Variants in OR51B5 observed in about 807,000 individuals in gnomAD.
The protein encoded by OR51B5 is olfactory receptor 51B5.
For synonymous variants in OR51B5, 186 were observed against 144.8 expected (o/e 1.28, Z -2.04); for missense variants, 456 against 374.6 (o/e 1.22, Z -1.79).
chr11:5,433,898 A>T (rs747033593), intron 1 of OR51B5, among the ~76,000 whole-genome samples: 1 of 152,168 alleles, frequency 6.6e-6, no homozygotes, highest in Non-Finnish European at 1.5e-5. Flanking sequence ...GAATGATCCT[A>T]GGTCCTGCAT....
At chr11:5,447,165 C>G (rs1850779119) in intron 1 of OR51B5, among the ~76,000 whole-genome samples, 1 of 152,218 alleles carries the variant, frequency 6.6e-6, no homozygotes, top group South Asian at 2.1e-4. Flanking sequence ...TGCTTCTGTT[C>G]TGTACCAAGG....
intron 1 of OR51B5, among the ~76,000 whole-genome samples, chr11:5,363,237 TCACACACACA>T (rs3219794): frequency 0.043 from 6,173 of 142,968 alleles, 275 homozygotes; most frequent in East Asian, 0.15. Context: ...ACCCAACCCC[TCACACACACA>T]CACACACACA....
At chr11:5,415,061 T>C (rs1162001747) in intron 1 of OR51B5, among the ~76,000 whole-genome samples, 1 of 151,688 alleles carries the variant, frequency 6.6e-6, no homozygotes, top group Admixed American at 6.6e-5. Context: ...AGAACAGAAA[T>C]TATAACAAAC....
chr11:5,440,499 T>G (rs1850661265), intron 1 of OR51B5: 1 of 1,048,850 alleles, frequency 9.5e-7, no homozygotes, highest in East Asian at 2.4e-5. Context: ...CATCCTTACT[T>G]TAGCATTCCT....
At chr11:5,410,448 A>G (rs1850129673) in intron 1 of OR51B5, among the ~76,000 whole-genome samples, 1 of 152,224 alleles carries the variant, frequency 6.6e-6, no homozygotes, top group South Asian at 2.1e-4. Context: ...CACTAAAAGA[A>G]TAGTAAAATA....
At chr11:5,440,677 T>C (rs1850666021) in intron 1 of OR51B5, 1 of 1,613,794 alleles carries the variant, frequency 6.2e-7, no homozygotes, top group Non-Finnish European at 8.5e-7. Context: ...AGGTAGACAT[T>C]GGACATCATG....
intron 1 of OR51B5, among the ~76,000 whole-genome samples, chr11:5,386,655 G>T (rs1460557327): frequency 6.8e-6 from 1 of 146,206 alleles, no homozygotes; most frequent in African/African-American, 2.5e-5. Flanking sequence ...CTGCAGTAGA[G>T]GATGGACCAA....
intron 1 of OR51B5, chr11:5,453,959 C>T (rs1850903919): frequency 1.2e-6 from 2 of 1,613,952 alleles, no homozygotes; most frequent in African/African-American, 1.3e-5. Flanking sequence ...TCACCCTTTT[C>T]CCTCTTCCCT....
chr11:5,454,245 G>T, intron 1 of OR51B5: 1 of 1,614,150 alleles, frequency 6.2e-7, no homozygotes. Flanking sequence ...TGCATTTTAT[G>T]TGCCAATGAT....
At chr11:5,373,639 T>C (rs1849476934) in intron 1 of OR51B5, among the ~76,000 whole-genome samples, 1 of 152,190 alleles carries the variant, frequency 6.6e-6, no homozygotes, top group East Asian at 1.9e-4. Flanking sequence ...TACTGTGCTT[T>C]TCTGACAGGC....
intron 1 of OR51B5, among the ~76,000 whole-genome samples, chr11:5,378,824 G>A (rs995445207): frequency 6.6e-6 from 1 of 150,536 alleles, no homozygotes; most frequent in Non-Finnish European, 1.5e-5. Flanking sequence ...AGGTGCTGGA[G>A]AGGATGTGGA....
chr11:5,420,025 T>G (rs965757803), intron 1 of OR51B5, among the ~76,000 whole-genome samples: 10 of 45,644 alleles, frequency 2.2e-4, no homozygotes, highest in African/African-American at 4.4e-4. Flanking sequence ...AAAACAAATG[T>G]TGCATATTTA....
intron 1 of OR51B5, among the ~76,000 whole-genome samples, chr11:5,386,165 T>C (rs1249922318): frequency 6.6e-6 from 1 of 152,094 alleles, no homozygotes; most frequent in East Asian, 1.9e-4. Context: ...GGGTGGTTTT[T>C]GCCAAGAAAG....
At chr11:5,417,446 G>C (rs1375136557) in intron 1 of OR51B5, among the ~76,000 whole-genome samples, 1 of 151,778 alleles carries the variant, frequency 6.6e-6, no homozygotes, top group Admixed American at 6.6e-5. Flanking sequence ...TTAAACTAAA[G>C]ATCTTCTGCG....
At chr11:5,416,415 A>C (rs898885120) in intron 1 of OR51B5, among the ~76,000 whole-genome samples, 15 of 152,192 alleles carry the variant, frequency 9.9e-5, no homozygotes, top group African/African-American at 3.6e-4. Flanking sequence ...TAGTGTTGGA[A>C]GTTCTGGCCA....
intron 1 of OR51B5, among the ~76,000 whole-genome samples, chr11:5,351,126 C>T (rs953209821): frequency 6.6e-6 from 1 of 152,134 alleles, no homozygotes; most frequent in Non-Finnish European, 1.5e-5. Flanking sequence ...ATGAAGAGCA[C>T]CATGAAAAGT....
At chr11:5,399,641 G>C (rs1357723642) in intron 1 of OR51B5, among the ~76,000 whole-genome samples, 1 of 151,984 alleles carries the variant, frequency 6.6e-6, no homozygotes, top group Non-Finnish European at 1.5e-5. Flanking sequence ...AACCTTTCAA[G>C]CTAAAATGCT....
At chr11:5,490,834 G>A (rs1156342518) in intron 1 of OR51B5, among the ~76,000 whole-genome samples, 1 of 152,216 alleles carries the variant, frequency 6.6e-6, no homozygotes, top group Non-Finnish European at 1.5e-5. Flanking sequence ...CATTAGTGAA[G>A]TGTTTATTAT....
At chr11:5,380,977 T>C (rs2723375) in intron 1 of OR51B5, among the ~76,000 whole-genome samples, 62,112 of 151,842 alleles carry the variant, frequency 0.41, 12,911 homozygotes, top group South Asian at 0.54. Context: ...TGTACAGACC[T>C]TGGGGATTCA....
Sources: gnomAD v4.1 joint callset for allele counts (sites outside exome capture counted in the v4.1 genomes callset) on GRCh38, gnomAD v4.1.1 for gene constraint, MANE v1.5 for transcripts, NCBI Gene and HGNC (gene_info 2026-07-23, HGNC 2026-07-21) for gene names.